The following ELP2 variants were observed in gnomAD, a reference collection of about 807,000 sequenced individuals.
The protein encoded by ELP2 is elongator acetyltransferase complex subunit 2.
ELP2 carries 90 observed loss-of-function variants against 119.2 expected under a neutral mutation model. The observed-to-expected ratio is 0.75, with a 90% confidence interval of 0.64 to 0.90. The LOEUF is 0.90. Ranked by LOEUF, ELP2 falls within the 40% of genes least tolerant of loss-of-function variation. The pLI is 0.00. For missense variants in ELP2, 921 were observed against 967.8 expected (o/e 0.95, Z 0.64); for synonymous variants, 339 against 331.0 (o/e 1.02, Z -0.26).
rs375546066 is a variant in ELP2 at position 36,154,890 on chromosome 18, A to T, written c.1166A>T (p.Asp389Val). The change falls in exon 12 of 22, where the codon GAT (aspartate) becomes GTT (valine). Residue 389 changes from aspartate (D) to valine (V), a missense_variant. By Grantham distance (152) the Asp-to-Val change is radical. Coordinates refer to ENST00000358232, the MANE Select transcript of ELP2 (RefSeq NM_018255.4). ...TPEIVISGHFDGVQDLVWDPE... is the reference protein window; with the variant it reads ...TPEIVISGHFVGVQDLVWDPE... ...GAGATTGTCATTTCAGGACACTTTG[A>T]TGGTGTCCAAGACCTAGTCTGGGAT... 1.9e-6 allele frequency: 3 copies of T among 1,613,980 alleles called. No individual in the cohort carries two copies. Among genetic ancestry groups the T allele is most frequent in the Non-Finnish European group, 1.7e-6 (2 of 1,179,948 alleles).
chr18:36,141,291 A>G, intron 6 of ELP2, 90 bp downstream of exon 6: 1 of 1,158,636 alleles, frequency 8.6e-7, no homozygotes, highest in Non-Finnish European at 1.3e-6. Context: ...ATTTTAGGGA[A>G]TGTTCTAATC....
chr18:36,172,265 C>G lies in ELP2; in HGVS notation c.2324+1105C>G, dbSNP rs555322020. Reference sequence around the variant, plus strand: ...CTGGGTGAGTGAGAGCCTGTCCCCCCCAAAAAAGTATAAACGTTCAGAAAG... The same window carrying G: ...CTGGGTGAGTGAGAGCCTGTCCCCCGCAAAAAAGTATAAACGTTCAGAAAG... On this transcript the variant is annotated intron_variant, in intron 21 of 21. Coordinates refer to ENST00000358232, the MANE Select transcript of ELP2 (RefSeq NM_018255.4). 5.9e-5 allele frequency among the ~76,000 whole-genome samples: 9 copies of G among 152,032 alleles called. No individual in the cohort carries two copies. The East Asian group carries it at 9.6e-4, about 16-fold the overall frequency.
intron 13 of ELP2, among the ~76,000 whole-genome samples, chr18:36,157,691 A>G (rs1271338381): frequency 6.6e-6 from 1 of 152,246 alleles, no homozygotes; most frequent in Non-Finnish European, 1.5e-5. Context: ...GAAGTAGCCA[A>G]CTAAATTTCC....
chr18:36,158,840 T>G lies in ELP2; in HGVS notation c.1470T>G (p.Asp490Glu). 6.3e-7 allele frequency: 1 copy of G among 1,592,390 alleles called. No homozygotes were observed. The highest frequency in any genetic ancestry group is 2.2e-5 in the East Asian group (1 of 44,768). Residue 490 changes from aspartate to glutamate, a missense_variant, in exon 14 of 22, where the codon GAT (aspartate) becomes GAG (glutamate). By Grantham distance (45) the Asp-to-Glu change is conservative (BLOSUM62 2). Coordinates refer to ENST00000358232, the MANE Select transcript of ELP2 (RefSeq NM_018255.4). ...TATTATATTTTCTATTCTAGCAAGA[T>G]AGTGATCTTCCAGAAGGAGCCACTG... Reference protein sequence around the residue: ...QSLNHVLCNQDSDLPEGATVP... With the variant: ...QSLNHVLCNQESDLPEGATVP...
Position 36,133,324 on chromosome 18 carries a change from T to A in ELP2, c.217+8T>A, listed in dbSNP as rs1785905. The stretch of plus-strand genomic sequence containing the variant: ...TTTGTAAACAGGATGGCTGTAAGTA[T>A]TAACCAGATTTTAAAGTTGATCTCA... On this transcript the variant is annotated splice_region_variant and intron_variant, in intron 2 of 21. Coordinates refer to ENST00000358232, the MANE Select transcript of ELP2 (RefSeq NM_018255.4). 566,088 of 1,598,516 alleles carry A rather than the reference T, an allele frequency of 0.35. 102,226 individuals are homozygous for A. Among genetic ancestry groups the A allele is most frequent in the Admixed American group, 0.39 (23,299 of 59,968 alleles).
intron 13 of ELP2, among the ~76,000 whole-genome samples, chr18:36,158,288 T>G (rs907262553): frequency 2.0e-5 from 3 of 152,232 alleles, no homozygotes; most frequent in Non-Finnish European, 4.4e-5. Flanking sequence ...TTGATTGATA[T>G]AAATTGCAAA....
chr18:36,140,227 G>A (rs994078234), intron 5 of ELP2, among the ~76,000 whole-genome samples: 4 of 152,152 alleles, frequency 2.6e-5, no homozygotes, highest in Admixed American at 1.3e-4. Flanking sequence ...GTGCAGTGGC[G>A]CCATCACAGC....
intron 17 of ELP2, 114 bp from the exon 18 acceptor site, chr18:36,164,361 G>T: frequency 6.9e-6 from 7 of 1,013,904 alleles, no homozygotes; most frequent in Non-Finnish European, 1.1e-5. Flanking sequence ...ATTTTTTTTG[G>T]AATTCAAACA....
At chr18:36,158,965 C>G (rs2090650095) in intron 14 of ELP2, 61 bp downstream of exon 14, 3 of 1,122,640 alleles carry the variant, frequency 2.7e-6, no homozygotes, top group Admixed American at 1.7e-5. Context: ...CAGTCATACA[C>G]TTGTGTAATG....
chr18:36,132,932 G>C (rs1006023445), intron 1 of ELP2, among the ~76,000 whole-genome samples: 3 of 152,030 alleles, frequency 2.0e-5, no homozygotes, highest in Non-Finnish European at 4.4e-5. Context: ...AGGCTGCCTA[G>C]GTGAAAAGGA....
In ELP2 at chr18:36,164,513, C is replaced by T; in HGVS notation, c.1800C>T (p.Asn600=). ...KKEHAAIILW[N]TTSWKQVQNL... is the part of the protein sequence containing the mutation. ...AGCATGCAGCTATCATTCTTTGGAACACTACATCTTGGAAACAGGTGCAGA... is the reference window on the plus strand; with the variant it reads ...AGCATGCAGCTATCATTCTTTGGAATACTACATCTTGGAAACAGGTGCAGA... The change falls in exon 18 of 22, where the codon AAC becomes AAT. Residue 600 remains asparagine (N), a synonymous_variant. Coordinates refer to ENST00000358232, the MANE Select transcript of ELP2 (RefSeq NM_018255.4). 1.2e-6 allele frequency: 2 copies of T among 1,614,094 alleles called. No individual in the cohort carries two copies. Among genetic ancestry groups the T allele is most frequent in the South Asian group, 1.1e-5 (1 of 91,082 alleles).
At chr18:36,138,984 T>A in intron 5 of ELP2, 112 bp downstream of exon 5, 1 of 824,680 alleles carries the variant, frequency 1.2e-6, no homozygotes, top group Non-Finnish European at 2.1e-6. Flanking sequence ...AATGTTTCTA[T>A]GAAACAAGAT....
In ELP2 at chr18:36,171,068, G is replaced by A. The variant is rs755863347; in HGVS notation, c.2232G>A (p.Leu744=). 1.7e-5 allele frequency: 27 copies of A among 1,613,354 alleles called. No individual in the cohort carries two copies. The Admixed American group carries it at 2.7e-4, about 16-fold the overall frequency. ...ACAGATACGTGGTTGCAGTAGGATTGGAGTGTGGAAAGATTTGCTTATATA... is the reference window on the plus strand; with the variant it reads ...ACAGATACGTGGTTGCAGTAGGATTAGAGTGTGGAAAGATTTGCTTATATA... ...PSQRYVVAVG[L]ECGKICLYTW... The change falls in exon 21 of 22, where the codon TTG becomes TTA. Residue 744 remains leucine, a synonymous_variant. Transcript: ENST00000358232.
At chr18:36,152,939 G>GAA (rs1555641174) in intron 11 of ELP2, among the ~76,000 whole-genome samples, 1 of 152,184 alleles carries the variant, frequency 6.6e-6, no homozygotes, top group Non-Finnish European at 1.5e-5. Context: ...ACTTGGTTTT[G>GAA]CCCTTCCCCC....
chr18:36,166,319 GTTTTTTTT>G (rs60477950), intron 18 of ELP2, among the ~76,000 whole-genome samples: 300 of 71,654 alleles, frequency 4.2e-3, no homozygotes, highest in African/African-American at 0.016. Context: ...GTTTTTTAGG[GTTTTTTTT>G]TTTTTTTTTT....
Position 36,158,921 on chromosome 18 carries a change from C to T in ELP2, c.1534+17C>T. 6.3e-7 allele frequency: 1 copy of T among 1,579,990 alleles called. No individual in the cohort carries two copies. Among genetic ancestry groups the T allele is most frequent in the Non-Finnish European group, 8.7e-7 (1 of 1,149,218 alleles). On this transcript the variant is annotated intron_variant, in intron 14 of 21. Coordinates refer to ENST00000358232, the MANE Select transcript of ELP2 (RefSeq NM_018255.4). Reference sequence around the variant, plus strand: ...TCTTTCAGGGTAAGGCTTTTGTCTTCAAAATTATTAAACCCATAGTGGTAC... The same window carrying T: ...TCTTTCAGGGTAAGGCTTTTGTCTTTAAAATTATTAAACCCATAGTGGTAC...
rs575676265 is a variant in ELP2 at position 36,164,953 on chromosome 18, A to C, written c.1954+286A>C. ...CATAAACATCTGTATGTAGGAAGTTAGGTTTTGCAAATGGTGATAGAATGC... is the reference window on the plus strand; with the variant it reads ...CATAAACATCTGTATGTAGGAAGTTCGGTTTTGCAAATGGTGATAGAATGC... On this transcript the variant is annotated intron_variant, in intron 18 of 21. Coordinates refer to ENST00000358232, the MANE Select transcript of ELP2 (RefSeq NM_018255.4). The C allele has an allele frequency of 7.7e-6, 3 of 388,860 alleles. No homozygotes were observed. The South Asian group carries it at 8.4e-5, about 11-fold the overall frequency. The allele number at this position is 388,860 out of a possible 1,614,324, so 24.1% of individuals were successfully genotyped here. A position where few individuals can be genotyped will look rare whatever the true frequency, so the allele number is the denominator to read the frequency against.
intron 11 of ELP2, among the ~76,000 whole-genome samples, chr18:36,150,154 A>C (rs773724550): frequency 1.3e-5 from 2 of 152,196 alleles, no homozygotes; most frequent in Non-Finnish European, 2.9e-5. Flanking sequence ...CCTTCCCACC[A>C]GAGTCTGCCC....
At chr18:36,136,163 T>C in intron 2 of ELP2, 144 bp from the exon 3 acceptor site, 1 of 654,988 alleles carries the variant, frequency 1.5e-6, no homozygotes, top group Middle Eastern at 4.1e-4. Context: ...AAGAGTGAGA[T>C]ATTAAGCAAA....
Sources: allele counts gnomAD v4.1 joint callset (sites outside exome capture counted in the v4.1 genomes callset), GRCh38; gene constraint gnomAD v4.1.1; transcripts MANE v1.5; gene names NCBI Gene and HGNC (gene_info 2026-07-23, HGNC 2026-07-21).